Variants in CFAP20DC observed in about 807,000 individuals in gnomAD.
CFAP20DC encodes the protein CFAP20 domain containing.
Under a neutral mutation model 101.7 loss-of-function variants are expected in CFAP20DC, and 84 were observed. The observed-to-expected ratio is 0.83, with a 90% CI of 0.69 to 0.99. The LOEUF (loss-of-function observed/expected upper bound fraction) is 0.99. Among genes scored for constraint, CFAP20DC ranks in the 50% least tolerant of loss-of-function variants. The probability of loss-of-function intolerance (pLI) is 0.00; values close to 1 mark genes in which losing one functional copy is unlikely to be tolerated. For missense variants in CFAP20DC, 1,007 were observed against 970.3 expected (o/e 1.04, Z -0.50); for synonymous variants, 359 against 351.2 (o/e 1.02, Z -0.25).
At chr3:58,911,851 C>T (rs1001007172) in intron 6 of CFAP20DC, among the ~76,000 whole-genome samples, 8 of 152,058 alleles carry the variant, frequency 5.3e-5, no homozygotes, top group Admixed American at 3.3e-4. Context: ...GGAGTTAGAG[C>T]AGGAACCTGG....
chr3:58,781,471 G>A (rs2071818350), intron 15 of CFAP20DC, among the ~76,000 whole-genome samples: 1 of 151,802 alleles, frequency 6.6e-6, no homozygotes, highest in African/African-American at 2.4e-5. Context: ...AAATGAACTG[G>A]ATGCTAAAAA....
intron 13 of CFAP20DC, among the ~76,000 whole-genome samples, chr3:58,840,568 G>A (rs1437217449): frequency 6.6e-6 from 1 of 152,160 alleles, no homozygotes; most frequent in East Asian, 1.9e-4. Context: ...CACTGTGTTA[G>A]CACTTGATTC....
intron 16 of CFAP20DC, among the ~76,000 whole-genome samples, chr3:58,745,185 C>T (rs1050727474): frequency 6.6e-6 from 1 of 152,082 alleles, no homozygotes; most frequent in Non-Finnish European, 1.5e-5. Flanking sequence ...AAAATGACCC[C>T]CTTTAGATCA....
rs567815558 is a variant in CFAP20DC at position 58,895,739 on chromosome 3, C to T, written c.551-11030G>A. The stretch of plus-strand genomic sequence containing the variant: ...TTCATGCTACTGATAAAGACATACC[C>T]GAGACTGGGCAATTTACAAAAGAAA... On this transcript the variant is annotated intron_variant, in intron 6 of 16. Transcript: ENST00000482387. 6.8e-4 allele frequency among the ~76,000 whole-genome samples: 103 copies of T among 152,192 alleles called. 2 individuals carry two copies. The South Asian group carries it at 0.02, about 29-fold the overall frequency.
At chr3:58,881,954 G>A (rs2108631242) in intron 7 of CFAP20DC, among the ~76,000 whole-genome samples, 1 of 152,188 alleles carries the variant, frequency 6.6e-6, no homozygotes, top group East Asian at 1.9e-4. Flanking sequence ...AAGCTTCAAA[G>A]CTCACAAATG....
At chr3:58,889,759 C>G (rs545808752) in intron 6 of CFAP20DC, among the ~76,000 whole-genome samples, 4 of 135,556 alleles carry the variant, frequency 3.0e-5, no homozygotes, top group African/African-American at 8.5e-5. Flanking sequence ...TGACTCTTAA[C>G]GAGCATGCTG....
At chr3:58,829,367 G>A (rs1012122426) in intron 14 of CFAP20DC, among the ~76,000 whole-genome samples, 1 of 149,282 alleles carries the variant, frequency 6.7e-6, no homozygotes, top group Non-Finnish European at 1.5e-5. Flanking sequence ...ATAAAGTTAT[G>A]AATTCTTTTA....
intron 5 of CFAP20DC, among the ~76,000 whole-genome samples, chr3:58,930,874 T>C (rs1287771661): frequency 6.6e-6 from 1 of 152,130 alleles, no homozygotes; most frequent in Non-Finnish European, 1.5e-5. Context: ...CATTTCCACC[T>C]GAGGTACCGG....
chr3:59,033,190 G>A (rs2094030103), intron 4 of CFAP20DC, among the ~76,000 whole-genome samples: 1 of 152,102 alleles, frequency 6.6e-6, no homozygotes, highest in Non-Finnish European at 1.5e-5. Flanking sequence ...AAACCCATCC[G>A]AAGGTCACCA....
intron 14 of CFAP20DC, among the ~76,000 whole-genome samples, chr3:58,824,267 T>G (rs1034809540): frequency 4.6e-5 from 7 of 152,094 alleles, no homozygotes; most frequent in Non-Finnish European, 7.4e-5. Context: ...ACCTATTAAT[T>G]ATAAGGAGTC....
At chr3:58,871,831 T>C (rs570551694) in intron 7 of CFAP20DC, among the ~76,000 whole-genome samples, 2 of 152,214 alleles carry the variant, frequency 1.3e-5, no homozygotes, top group South Asian at 4.1e-4. Flanking sequence ...CCTGGCCCCA[T>C]AGGATTGAAT....
In CFAP20DC at chr3:58,849,088, T is replaced by C; in HGVS notation, c.1915A>G (p.Lys639Glu). 6.5e-7 allele frequency: 1 copy of C among 1,536,104 alleles called. No homozygotes were observed. Among genetic ancestry groups the C allele is most frequent in the Non-Finnish European group, 8.7e-7 (1 of 1,146,904 alleles). ...SAQQVPASLN[K>E]TSLKEISGER... ...CCTGAGATTTCTTTCAGGGAGGTTT[T>C]GTTTAGTGAAGCTGGCACTTGCTGG... The change falls in exon 13 of 17, where the codon AAA (lysine) becomes GAA (glutamate). Residue 639 changes from lysine to glutamate, a missense_variant. Coordinates refer to ENST00000482387, the MANE Select transcript of CFAP20DC (RefSeq NM_001394063.1).
Position 59,042,695 on chromosome 3 carries a change from A to G in CFAP20DC, c.206-3066T>C, listed in dbSNP as rs183604726. On this transcript the variant is annotated intron_variant, in intron 3 of 16. Coordinates refer to ENST00000482387, the MANE Select transcript of CFAP20DC (RefSeq NM_001394063.1). ...TTACTTATGTGTTTCTTACAATTTA[A>G]AAGTATTACTCTGGCTGCTAATTTG... Among the ~76,000 whole-genome samples, 45 of 152,256 alleles carry G rather than the reference A, an allele frequency of 3.0e-4. No individual in the cohort carries two copies. In the South Asian group the frequency reaches 5.6e-3, roughly 19 times the overall value.
At chr3:58,879,867 A>G (rs1204393778) in intron 7 of CFAP20DC, among the ~76,000 whole-genome samples, 1 of 152,088 alleles carries the variant, frequency 6.6e-6, no homozygotes, top group Non-Finnish European at 1.5e-5. Flanking sequence ...ACCGTATATT[A>G]TGTATTTCCC....
In CFAP20DC at chr3:58,799,610, G is replaced by A. The variant is rs146646188; in HGVS notation, c.2237+6785C>T. On this transcript the variant is annotated intron_variant, in intron 15 of 16. Transcript: ENST00000482387. The surrounding 1 kb of genome is among the most constrained non-coding windows in gnomAD (Gnocchi z 4.9). ...CCTATTTTTTATGTGTCTCCTATGTGCTTGGCAAGTATATCCCTTGAAACT... is the reference window on the plus strand; with the variant it reads ...CCTATTTTTTATGTGTCTCCTATGTACTTGGCAAGTATATCCCTTGAAACT... 1.9e-3 allele frequency among the ~76,000 whole-genome samples: 286 copies of A among 152,202 alleles called. No homozygotes were observed. The highest frequency in any genetic ancestry group is 6.6e-3 in the African/African-American group (274 of 41,516).
intron 12 of CFAP20DC, among the ~76,000 whole-genome samples, chr3:58,856,663 G>A (rs1361658411): frequency 1.3e-5 from 2 of 152,200 alleles, no homozygotes; most frequent in Admixed American, 6.5e-5. Context: ...AGGTAATAGA[G>A]TGGTGACTCT....
chr3:58,966,489 T>TATATATATAC (rs560664262), intron 4 of CFAP20DC, among the ~76,000 whole-genome samples: 24 of 116,586 alleles, frequency 2.1e-4, no homozygotes, highest in African/African-American at 6.2e-4. Context: ...TATATATATA[T>TATATATATAC]ACACATATGT....
chr3:58,750,074 G>C (rs775127572), intron 16 of CFAP20DC, among the ~76,000 whole-genome samples: 18 of 152,086 alleles, frequency 1.2e-4, no homozygotes, highest in Non-Finnish European at 2.1e-4. Flanking sequence ...GATGGAAACC[G>C]GGCTGTTCAC....
At chr3:59,008,156 C>G (rs146219400) in intron 4 of CFAP20DC, among the ~76,000 whole-genome samples, 2 of 152,124 alleles carry the variant, frequency 1.3e-5, no homozygotes, top group African/African-American at 2.4e-5. Context: ...TTCAGGCCGA[C>G]AGAGGAAGAG....
Sources: gnomAD v4.1 joint callset for allele counts (sites outside exome capture counted in the v4.1 genomes callset) on GRCh38, gnomAD v4.1.1 for gene constraint, Gnocchi (gnomAD v3.1) non-coding constraint, MANE v1.5 for transcripts, NCBI Gene and HGNC (gene_info 2026-07-23, HGNC 2026-07-21) for gene names.